The following EPHB2 variants were observed in gnomAD, a reference collection of about 807,000 sequenced individuals.
EPHB2 encodes ephrin type-B receptor 2.
EPHB2 carries 18 observed loss-of-function variants against 96.4 expected under a neutral mutation model. That is an observed-to-expected ratio of 0.19 (90% CI 0.13 to 0.28). The LOEUF is 0.28. EPHB2 is among the 10% of genes least tolerant of loss of function. The pLI is 1.00. For synonymous variants in EPHB2, 506 were observed against 534.1 expected (o/e 0.95, Z 0.72); for missense variants, 989 against 1,355.4 (o/e 0.73, Z 4.25).
chr1:22,856,319 G>A (rs1182175049), intron 3 of EPHB2, among the ~76,000 whole-genome samples: 1 of 152,226 alleles, frequency 6.6e-6, no homozygotes. Flanking sequence ...GGCAGGCGGG[G>A]AGAAAATCTG....
chr1:22,767,757 T>C (rs1451582172), intron 1 of EPHB2, among the ~76,000 whole-genome samples: 1 of 152,134 alleles, frequency 6.6e-6, no homozygotes, highest in Non-Finnish European at 1.5e-5. Context: ...CGAGCCCTGC[T>C]CCATGTCAAG....
intron 3 of EPHB2, among the ~76,000 whole-genome samples, chr1:22,793,314 C>T (rs541950889): frequency 1.1e-4 from 16 of 152,210 alleles, no homozygotes; most frequent in African/African-American, 2.6e-4. Flanking sequence ...CCCTCCGTAC[C>T]GTCCCTCGGG....
chr1:22,830,239 A>C (rs1421267050), intron 3 of EPHB2, among the ~76,000 whole-genome samples: 1 of 152,166 alleles, frequency 6.6e-6, no homozygotes, highest in East Asian at 1.9e-4. Context: ...TTGTCCCCAG[A>C]GGCTGGCATC....
chr1:22,833,350 C>T (rs548605365), intron 3 of EPHB2, among the ~76,000 whole-genome samples: 1 of 152,242 alleles, frequency 6.6e-6, no homozygotes, highest in East Asian at 1.9e-4. Context: ...GAACTCCTGA[C>T]CCCATGATCT....
chr1:22,862,922 G>C lies in EPHB2; in HGVS notation c.812-115G>C, dbSNP rs898303204. ...TCAAGAGATGAGATTTTCCAGCAGT[G>C]GTGCTGCATGGCCCCTCCGCGAGGC... On this transcript the variant is annotated intron_variant, in intron 3 of 15. Transcript: ENST00000374630. 7 of 1,339,626 alleles carry C rather than the reference G, an allele frequency of 5.2e-6. No homozygotes were observed. In the African/African-American group the frequency reaches 1.0e-4, roughly 19 times the overall value. The allele number at this position is 1,339,626 out of a possible 1,614,324, so 83.0% of individuals were successfully genotyped here.
chr1:22,835,486 A>G (rs985374798), intron 3 of EPHB2, among the ~76,000 whole-genome samples: 33 of 152,378 alleles, frequency 2.2e-4, no homozygotes, highest in African/African-American at 7.2e-4. Flanking sequence ...ATGTTTGCAT[A>G]TGGATATATA....
At chr1:22,832,510 C>T (rs1212886787) in intron 3 of EPHB2, among the ~76,000 whole-genome samples, 2 of 152,174 alleles carry the variant, frequency 1.3e-5, no homozygotes, top group Non-Finnish European at 2.9e-5. Flanking sequence ...CAGAATCACA[C>T]AGCTTCTAAC....
chr1:22,740,528 GCCCTCAAGCCTTGATCATCA>G (rs1557646283), intron 1 of EPHB2, among the ~76,000 whole-genome samples: 2 of 152,118 alleles, frequency 1.3e-5, no homozygotes, highest in Non-Finnish European at 2.9e-5. Flanking sequence ...GAGTAAGCAT[GCCCTCAAGCCTTGATCATCA>G]CTGCGACAAC....
chr1:22,717,677 CA>C (rs1643327663), intron 1 of EPHB2, among the ~76,000 whole-genome samples: 1 of 152,200 alleles, frequency 6.6e-6, no homozygotes, highest in African/African-American at 2.4e-5. Context: ...CAGCTGTGTC[CA>C]TTCTTTATTA....
intron 6 of EPHB2, among the ~76,000 whole-genome samples, chr1:22,885,936 T>G (rs1639210786): frequency 6.6e-6 from 1 of 152,168 alleles, no homozygotes; most frequent in Non-Finnish European, 1.5e-5. Flanking sequence ...CAGTCAACTT[T>G]CACTCTCACC....
chr1:22,750,511 A>G (rs1309889097), intron 1 of EPHB2, among the ~76,000 whole-genome samples: 1 of 152,182 alleles, frequency 6.6e-6, no homozygotes, highest in Non-Finnish European at 1.5e-5. Context: ...ATCACACAGT[A>G]AGAAAGTTCC....
intron 3 of EPHB2, among the ~76,000 whole-genome samples, chr1:22,802,201 C>G (rs1357123486): frequency 2.0e-5 from 3 of 151,968 alleles, no homozygotes; most frequent in African/African-American, 7.3e-5. Context: ...TATAGGAGGC[C>G]CATGGGGGAA....
intron 3 of EPHB2, among the ~76,000 whole-genome samples, chr1:22,827,148 T>G (rs150205823): frequency 2.0e-5 from 3 of 152,342 alleles, no homozygotes; most frequent in African/African-American, 7.2e-5. Context: ...CCCTTGCTCA[T>G]GGAAACTCCT....
At chr1:22,828,470 T>C (rs1260526472) in intron 3 of EPHB2, among the ~76,000 whole-genome samples, 3 of 152,148 alleles carry the variant, frequency 2.0e-5, no homozygotes, top group Non-Finnish European at 1.5e-5. Flanking sequence ...ACCCAATCCT[T>C]GTTCTGGCAG....
At chr1:22,912,329 C>A in intron 14 of EPHB2, 115 bp from the exon 15 acceptor site, 1 of 1,462,586 alleles carries the variant, frequency 6.8e-7, no homozygotes, top group Non-Finnish European at 9.4e-7. Context: ...CACCTGTGTT[C>A]ACATAAATGG....
At position 22,921,165 on chromosome 1, in the gene EPHB2, C is replaced by T. The variant is rs1175864697; in HGVS notation, c.*7595C>T. On this transcript the variant is annotated 3_prime_UTR_variant, in exon 16 of 16. Transcript: ENST00000374630. The stretch of plus-strand genomic sequence containing the variant: ...CATGGGCTGTGGGAGTGAGTGTGCA[C>T]ACTCCTTCTCCTGAAGTGTCTGCCC... 6.6e-6 allele frequency: 1 copy of T among 152,256 alleles called. No individual in the cohort carries two copies. The highest frequency in any genetic ancestry group is 1.9e-4 in the East Asian group (1 of 5,198). The allele number at this position is 152,256 out of a possible 1,614,324, so 9.4% of individuals were successfully genotyped here. A position where few individuals can be genotyped will look rare whatever the true frequency, so the allele number is the denominator to read the frequency against.
At position 22,717,171 on chromosome 1, in the gene EPHB2, G is replaced by A. The variant is rs116529403; in HGVS notation, c.61+6128G>A. Among the ~76,000 whole-genome samples, 1,384 of 152,294 alleles carry A rather than the reference G, an allele frequency of 9.1e-3. 19 individuals carry two copies. The highest frequency in any genetic ancestry group is 0.032 in the African/African-American group (1,322 of 41,548). ...CACCAGCCCTGGCTGCCGCTGGCTCGTGCATAAAAAGAGGGTTAGCTGGGG... is the reference window on the plus strand; with the variant it reads ...CACCAGCCCTGGCTGCCGCTGGCTCATGCATAAAAAGAGGGTTAGCTGGGG... On this transcript the variant is annotated intron_variant, in intron 1 of 15. Coordinates refer to ENST00000374630, the MANE Select transcript of EPHB2 (RefSeq NM_017449.5).
intron 1 of EPHB2, among the ~76,000 whole-genome samples, chr1:22,776,898 T>C (rs1644461427): frequency 6.6e-6 from 1 of 152,242 alleles, no homozygotes; most frequent in Non-Finnish European, 1.5e-5. Flanking sequence ...TGCCAAGCCC[T>C]GTGCTAGGTC....
intron 3 of EPHB2, among the ~76,000 whole-genome samples, chr1:22,833,340 G>A (rs530176749): frequency 3.3e-4 from 50 of 152,090 alleles, no homozygotes; most frequent in Non-Finnish European, 5.9e-4. Flanking sequence ...GGCTGGTCTC[G>A]AACTCCTGAC....
Sources: allele counts gnomAD v4.1 joint callset (sites outside exome capture counted in the v4.1 genomes callset), GRCh38; gene constraint gnomAD v4.1.1; transcripts MANE v1.5; gene names NCBI Gene and HGNC (gene_info 2026-07-23, HGNC 2026-07-21).